Variants in NCAM2 observed in about 807,000 individuals in gnomAD.
NCAM2 encodes the protein N-CAM-2.
A neutral mutation model predicts 98.1 loss-of-function variants in NCAM2; 30 were observed. The observed-to-expected ratio is 0.31, with a 90% CI of 0.23 to 0.41. The LOEUF is 0.41. Among genes scored for constraint, NCAM2 ranks in the 10% least tolerant of loss-of-function variants. The pLI is 1.00. For missense variants in NCAM2, 867 were observed against 1,005.8 expected, an observed-to-expected ratio of 0.86 and a Z score of 1.87; for synonymous variants, 368 against 342.4, an observed-to-expected ratio of 1.07 and a Z score of -0.83.
intron 1 of NCAM2, among the ~76,000 whole-genome samples, chr21:21,016,616 G>C (rs145417402): frequency 6.6e-5 from 10 of 152,202 alleles, no homozygotes; most frequent in African/African-American, 2.4e-4. Context: ...CTCTTGTTAA[G>C]TGTAAGAATG....
chr21:21,445,054 A>T (rs1979899310), intron 12 of NCAM2, among the ~76,000 whole-genome samples: 1 of 152,058 alleles, frequency 6.6e-6, no homozygotes, highest in African/African-American at 2.4e-5. Flanking sequence ...ATTGGTTTCA[A>T]ATAACTTTTT....
chr21:21,186,669 T>C (rs900009716), intron 1 of NCAM2, among the ~76,000 whole-genome samples: 42 of 152,176 alleles, frequency 2.8e-4, no homozygotes, highest in African/African-American at 9.2e-4. Context: ...GACATAAACA[T>C]GATTTATCTG....
chr21:21,363,934 C>A (rs232498), intron 8 of NCAM2, among the ~76,000 whole-genome samples: 54,394 of 151,766 alleles, frequency 0.36, 9,959 homozygotes, highest in East Asian at 0.58. Context: ...AGAGTTTCTT[C>A]TCTTTTAATT....
chr21:21,121,942 CAA>C (rs2066684463), intron 1 of NCAM2, among the ~76,000 whole-genome samples: 1 of 152,186 alleles, frequency 6.6e-6, no homozygotes, highest in African/African-American at 2.4e-5. Flanking sequence ...GAGCTGAATC[CAA>C]AAGAGTTATT....
chr21:21,292,890 A>C (rs1298865116), intron 5 of NCAM2, among the ~76,000 whole-genome samples: 1 of 151,934 alleles, frequency 6.6e-6, no homozygotes, highest in Non-Finnish European at 1.5e-5. Flanking sequence ...GTTCCAAGTG[A>C]CTGGGGAGGC....
chr21:21,225,143 AAACT>A (rs1320562375), intron 1 of NCAM2, among the ~76,000 whole-genome samples: 3 of 152,240 alleles, frequency 2.0e-5, no homozygotes, highest in African/African-American at 7.2e-5. Context: ...CATCCTCAGC[AAACT>A]AACACAGGAA....
At chr21:21,449,457 C>T (rs1782988047) in intron 12 of NCAM2, among the ~76,000 whole-genome samples, 2 of 151,742 alleles carry the variant, frequency 1.3e-5, no homozygotes. Context: ...ATGATGTTTG[C>T]TAGAATGTAG....
At chr21:21,488,720 A>G (rs1399854669) in intron 15 of NCAM2, among the ~76,000 whole-genome samples, 1 of 151,774 alleles carries the variant, frequency 6.6e-6, no homozygotes, top group African/African-American at 2.4e-5. Context: ...TAAATTTGAT[A>G]TTAATATGAT....
intron 6 of NCAM2, among the ~76,000 whole-genome samples, chr21:21,327,951 C>A (rs2074564231): frequency 6.6e-6 from 1 of 152,172 alleles, no homozygotes. Flanking sequence ...TTCCCCCCTT[C>A]ATTTTCGTTC....
At chr21:21,246,107 CCTTGCTGTCT>C (rs2071261551) in intron 1 of NCAM2, among the ~76,000 whole-genome samples, 2 of 152,232 alleles carry the variant, frequency 1.3e-5, no homozygotes, top group South Asian at 4.1e-4. Context: ...CCTTTTCCTC[CCTTGCTGTCT>C]CTTGGATCCC....
At position 21,508,846 on chromosome 21, in the gene NCAM2, T is replaced by TTTTTATTA; in HGVS notation, c.2078-4_2078-3insTTTATTAT. The TTTTTATTA allele has an allele frequency of 2.6e-6, 3 of 1,153,934 alleles. No homozygotes were observed. The highest frequency in any genetic ancestry group is 1.7e-5 in the South Asian group (1 of 59,488). The allele number at this position is 1,153,934 out of a possible 1,614,324, so 71.5% of individuals were successfully genotyped here. ...TTTTTTTTTTTTTTTTTTTTACTTT[T>TTTTTATTA]TAAGACACGCTGTTTAATGGTCTTG... On this transcript the variant is annotated splice_polypyrimidine_tract_variant and splice_region_variant and intron_variant, in intron 15 of 17. Coordinates refer to ENST00000400546, the MANE Select transcript of NCAM2 (RefSeq NM_004540.5).
chr21:21,468,380 T>C (rs1379487594), intron 13 of NCAM2, among the ~76,000 whole-genome samples: 1 of 152,000 alleles, frequency 6.6e-6, no homozygotes, highest in East Asian at 1.9e-4. Context: ...AGTTTTACAT[T>C]TGTGCAATGC....
At chr21:21,213,916 C>G (rs1022286011) in intron 1 of NCAM2, among the ~76,000 whole-genome samples, 2 of 152,110 alleles carry the variant, frequency 1.3e-5, no homozygotes, top group Non-Finnish European at 2.9e-5. Flanking sequence ...TTGATCAACT[C>G]AGATCAACAT....
chr21:21,368,953 A>G (rs913596871), intron 8 of NCAM2, among the ~76,000 whole-genome samples: 22 of 151,878 alleles, frequency 1.4e-4, no homozygotes, highest in Admixed American at 6.6e-4. Context: ...ACTGATATTT[A>G]CCTTTTCACA....
At chr21:21,530,100 TA>T (rs1989549013) in intron 16 of NCAM2, among the ~76,000 whole-genome samples, 1 of 78,730 alleles carries the variant, frequency 1.3e-5, no homozygotes, top group African/African-American at 4.4e-5. Context: ...TTAATTTAAT[TA>T]TATATAATTT....
In NCAM2 at chr21:21,458,167, G is replaced by A. The variant is rs114388429; in HGVS notation, c.1655-8439G>A. On this transcript the variant is annotated intron_variant, in intron 12 of 17. Transcript: ENST00000400546. ...ACATCGTGGGCTCTGCTCCTGTTAC[G>A]CCAGCACTACGCCTCTCATTGTCCC... 3.7e-3 allele frequency among the ~76,000 whole-genome samples: 567 copies of A among 152,302 alleles called. 5 individuals carry two copies. Among genetic ancestry groups the A allele is most frequent in the African/African-American group, 0.012 (507 of 41,572 alleles).
At chr21:21,049,519 GACT>G (rs1197631416) in intron 1 of NCAM2, among the ~76,000 whole-genome samples, 2 of 151,564 alleles carry the variant, frequency 1.3e-5, no homozygotes, top group East Asian at 1.9e-4. Flanking sequence ...CTATCACACT[GACT>G]ACTTTTTTTT....
At chr21:21,147,238 A>C in intron 1 of NCAM2, 1 of 985,432 alleles carries the variant, frequency 1.0e-6, no homozygotes, top group Non-Finnish European at 1.2e-6. Context: ...CGTACCCGGC[A>C]TTTCAACAAA....
intron 1 of NCAM2, among the ~76,000 whole-genome samples, chr21:21,053,667 A>AT (rs963057502): frequency 3.5e-5 from 5 of 144,078 alleles, no homozygotes; most frequent in East Asian, 2.0e-4. Flanking sequence ...TCATTTTTTC[A>AT]TTTTTTTTGT....
Sources: allele counts gnomAD v4.1 joint callset (sites outside exome capture counted in the v4.1 genomes callset), GRCh38; gene constraint gnomAD v4.1.1; transcripts MANE v1.5; gene names NCBI Gene and HGNC (gene_info 2026-07-23, HGNC 2026-07-21).